AFTPH: variants seen among roughly 807,000 people sequenced by gnomAD.
AFTPH encodes the protein aftiphilin.
AFTPH carries 7 observed loss-of-function variants against 72.5 expected under a neutral mutation model. The observed-to-expected ratio is 0.10, with a 90% CI of 0.05 to 0.18. The LOEUF is 0.18. Ranked by LOEUF, AFTPH falls within the 10% of genes least tolerant of loss-of-function variation. AFTPH has a pLI of 1.00. For missense variants in AFTPH, 979 were observed against 1,060.5 expected (o/e 0.92, Z 1.07); for synonymous variants, 337 against 370.1 (o/e 0.91, Z 1.03).
chr2:64,558,034 G>C (rs549356048), intron 2 of AFTPH, among the ~76,000 whole-genome samples: 31 of 152,280 alleles, frequency 2.0e-4, no homozygotes, highest in Non-Finnish European at 3.8e-4. Context: ...GATTGTACTT[G>C]ATAGCTTACT....
intron 6 of AFTPH, among the ~76,000 whole-genome samples, chr2:64,578,523 T>G (rs566194410): frequency 2.0e-5 from 3 of 152,102 alleles, no homozygotes; most frequent in African/African-American, 7.2e-5. Flanking sequence ...TTTATATGTT[T>G]GACAGTTACG....
intron 6 of AFTPH, among the ~76,000 whole-genome samples, chr2:64,576,205 TATATATGTAA>T (rs904735192): frequency 2.0e-5 from 3 of 148,674 alleles, no homozygotes; most frequent in Non-Finnish European, 4.5e-5. Context: ...ATAACATATA[TATATATGTAA>T]ATATATGTAA....
At chr2:64,534,849 T>C (rs1459671838) in intron 1 of AFTPH, among the ~76,000 whole-genome samples, 1 of 152,096 alleles carries the variant, frequency 6.6e-6, no homozygotes, top group African/African-American at 2.4e-5. Context: ...TCTGGTTAAG[T>C]AGAAAGTAGT....
At position 64,582,070 on chromosome 2, in the gene AFTPH, A is replaced by G. The variant is rs371194927; in HGVS notation, c.2455+2524A>G. On this transcript the variant is annotated intron_variant, in intron 7 of 8. Transcript: ENST00000238856. The stretch of plus-strand genomic sequence containing the variant: ...CATTTTTATGTTTACATTTTATTCA[A>G]TATTAATAACTGTCATCCCAACAGG... 1.8e-4 allele frequency among the ~76,000 whole-genome samples: 27 copies of G among 152,336 alleles called. 1 individual carries two copies. In the South Asian group the frequency reaches 5.0e-3, roughly 28 times the overall value.
exon 8 of AFTPH, chr2:64,585,457 A>G: frequency 1.2e-6 from 2 of 1,613,838 alleles, no homozygotes; most frequent in Non-Finnish European, 8.5e-7. Context: ...AACAACTTCT[A>G]AGCTGGAAAT....
intron 1 of AFTPH, among the ~76,000 whole-genome samples, chr2:64,525,817 G>T (rs1315707655): frequency 6.6e-6 from 1 of 152,110 alleles, no homozygotes; most frequent in Non-Finnish European, 1.5e-5. Context: ...CTTCGCAGAG[G>T]TATATTTGTT....
chr2:64,546,301 T>C (rs1293242232), intron 1 of AFTPH, among the ~76,000 whole-genome samples: 1 of 152,120 alleles, frequency 6.6e-6, no homozygotes, highest in African/African-American at 2.4e-5. Context: ...TTTACCACAG[T>C]TTTTTAAAAG....
chr2:64,535,294 T>A (rs1196588119), intron 1 of AFTPH, among the ~76,000 whole-genome samples: 3 of 145,156 alleles, frequency 2.1e-5, no homozygotes, highest in African/African-American at 8.6e-5. Flanking sequence ...AGTATCATCT[T>A]CGAAACTTTT....
chr2:64,545,637 C>CAACCAGAA (rs1457177513), intron 1 of AFTPH, among the ~76,000 whole-genome samples: 3 of 119,106 alleles, frequency 2.5e-5, no homozygotes, highest in Non-Finnish European at 4.9e-5. Context: ...TTACAGGCAG[C>CAACCAGAA]AACCAGAATG....
chr2:64,535,108 T>G (rs903663435), intron 1 of AFTPH, among the ~76,000 whole-genome samples: 2 of 152,162 alleles, frequency 1.3e-5, no homozygotes, highest in Admixed American at 1.3e-4. Flanking sequence ...TACAACCAAA[T>G]CATAAGAGAA....
intron 8 of AFTPH, among the ~76,000 whole-genome samples, chr2:64,589,705 G>C (rs1227698741): frequency 6.6e-6 from 1 of 152,012 alleles, no homozygotes; most frequent in African/African-American, 2.4e-5. Flanking sequence ...ATTTTTTGCT[G>C]TCTGTTCCTA....
chr2:64,538,417 C>T (rs541017184), intron 1 of AFTPH, among the ~76,000 whole-genome samples: 3 of 152,138 alleles, frequency 2.0e-5, no homozygotes, highest in Admixed American at 6.5e-5. Flanking sequence ...TTATTAGTAT[C>T]GGTAGACCCA....
exon 9 of AFTPH, chr2:64,592,230 A>G (rs1203567215): frequency 6.7e-6 from 3 of 450,176 alleles, no homozygotes; most frequent in Non-Finnish European, 1.1e-5. Context: ...TTTATATTAG[A>G]AAAATGTAAA....
chr2:64,541,687 G>A (rs929184398), intron 1 of AFTPH, among the ~76,000 whole-genome samples: 1 of 152,114 alleles, frequency 6.6e-6, no homozygotes, highest in Admixed American at 6.6e-5. Context: ...TAAAGATTTG[G>A]AAGAATTTGA....
In AFTPH at chr2:64,524,628, C is replaced by T. The variant is rs1292770978; in HGVS notation, c.-33+16C>T. The stretch of plus-strand genomic sequence containing the variant: ...AAGGAGCCAGGTAAGCGCCGCCGCT[C>T]CGCTCCCCTAGCTGCGCCGGGGAAA... On this transcript the variant is annotated intron_variant, in intron 1 of 8. Transcript: ENST00000238856. 7.5e-6 allele frequency: 3 copies of T among 397,664 alleles called. No individual in the cohort carries two copies. Among genetic ancestry groups the T allele is most frequent in the Non-Finnish European group, 1.3e-5 (3 of 225,772 alleles). The allele number at this position is 397,664 out of a possible 1,614,324, so 24.6% of individuals were successfully genotyped here.
At chr2:64,577,949 ACCACCACCAGTCAAGATACAAAACTCTT>A (rs1423683646) in intron 6 of AFTPH, among the ~76,000 whole-genome samples, 4 of 148,974 alleles carry the variant, frequency 2.7e-5, no homozygotes, top group Non-Finnish European at 1.5e-5. Flanking sequence ...TCCTGTAACC[ACCACCACCAGTCAAGATACAAAACTCTT>A]CCACCACCAC....
chr2:64,556,435 G>A (rs76103741), intron 2 of AFTPH, among the ~76,000 whole-genome samples: 3 of 152,268 alleles, frequency 2.0e-5, no homozygotes, highest in East Asian at 3.9e-4. Context: ...TTGACAGAAC[G>A]TGTTTTAGAA....
At chr2:64,540,023 G>A (rs1413378136) in intron 1 of AFTPH, among the ~76,000 whole-genome samples, 1 of 152,146 alleles carries the variant, frequency 6.6e-6, no homozygotes, top group Non-Finnish European at 1.5e-5. Context: ...ATTTTTAAAA[G>A]CCCCTGAGCA....
intron 1 of AFTPH, among the ~76,000 whole-genome samples, chr2:64,544,046 C>A (rs1233989448): frequency 2.6e-5 from 4 of 152,192 alleles, no homozygotes; most frequent in Non-Finnish European, 5.9e-5. Flanking sequence ...TTCCCTGACC[C>A]CTTTATATTG....
Sources: gnomAD v4.1 joint callset for allele counts (sites outside exome capture counted in the v4.1 genomes callset) on GRCh38, gnomAD v4.1.1 for gene constraint, MANE v1.5 for transcripts, NCBI Gene and HGNC (gene_info 2026-07-23, HGNC 2026-07-21) for gene names.